SLC26A5: variants seen among roughly 807,000 people sequenced by gnomAD.
The protein encoded by SLC26A5 is solute carrier family 26 member 5.
A neutral mutation model predicts 81.0 loss-of-function variants in SLC26A5; 51 were observed. The ratio of observed to expected loss-of-function variants is 0.63; its 90% CI spans 0.50 to 0.80. The LOEUF (loss-of-function observed/expected upper bound fraction) is 0.80, where lower values mean the gene tolerates loss of function less well. Among genes scored for constraint, SLC26A5 ranks in the 30% least tolerant of loss-of-function variants. SLC26A5 has a pLI of 0.00. For synonymous variants in SLC26A5, 325 were observed against 332.8 expected, an observed-to-expected ratio of 0.98 and a Z score of 0.25; for missense variants, 771 against 905.8, an observed-to-expected ratio of 0.85 and a Z score of 1.91.
At chr7:103,441,709 G>C (rs1038314350) in intron 2 of SLC26A5, among the ~76,000 whole-genome samples, 1 of 152,134 alleles carries the variant, frequency 6.6e-6, no homozygotes, top group Non-Finnish European at 1.5e-5. Context: ...AGATGTTATC[G>C]TCTCTGGGGA....
rs1823833592 is a variant in SLC26A5, at chr7:103,404,123, C to A, written c.888+3728G>T. Reference sequence around the variant, plus strand: ...GCTTGAACCCGGGAAGCGGAAGTTGCAGTGAACCGAGATCGCACCATTGCA... The same window carrying A: ...GCTTGAACCCGGGAAGCGGAAGTTGAAGTGAACCGAGATCGCACCATTGCA... On this transcript the variant is annotated intron_variant, in intron 8 of 19. Coordinates refer to ENST00000306312, the MANE Select transcript of SLC26A5 (RefSeq NM_198999.3). Among the ~76,000 whole-genome samples the A allele has an allele frequency of 2.0e-5, 3 of 151,960 alleles. No individual in the cohort carries two copies. The South Asian group carries it at 6.2e-4, about 32-fold the overall frequency.
At chr7:103,430,719 G>A (rs943238545) in intron 2 of SLC26A5, among the ~76,000 whole-genome samples, 1 of 152,232 alleles carries the variant, frequency 6.6e-6, no homozygotes, top group African/African-American at 2.4e-5. Flanking sequence ...ACATGTTCAT[G>A]GAATACCAAA....
rs72433350 is a variant in SLC26A5 at position 103,395,501 on chromosome 7, GTA to G, written c.971+2429_971+2430del. On this transcript the variant is annotated intron_variant, in intron 9 of 19. Transcript: ENST00000306312. ...TATATATATACGCATATATATGTAT[GTA>G]TATATATATATATATATAAATTTTT... is the stretch of plus-strand genomic sequence containing the variant. Among the ~76,000 whole-genome samples, 623 of 106,640 alleles carry G rather than the reference GTA, an allele frequency of 5.8e-3. 9 individuals carry two copies. Among genetic ancestry groups the G allele is most frequent in the African/African-American group, 0.021 (593 of 28,838 alleles). The allele number at this position is 106,640 out of a possible 152,430, so 70.0% of individuals were successfully genotyped here.
chr7:103,397,953 A>G lies in SLC26A5; in HGVS notation c.950T>C (p.Val317Ala). 6.2e-7 allele frequency: 1 copy of G among 1,614,064 alleles called. No individual in the cohort carries two copies. Among genetic ancestry groups the G allele is most frequent in the Non-Finnish European group, 8.5e-7 (1 of 1,179,934 alleles). Reference protein sequence around the residue: ...FNLKESYNVDVVGTLPLGLLP... With the variant: ...FNLKESYNVDAVGTLPLGLLP... ...CTACCCTAGAGGAAGTGTTCCAACG[A>G]CATCCACATTGTATGATTCTTTCAA... Residue 317 changes from valine (V) to alanine (A), a missense_variant, in exon 9 of 20, where the codon GTC (valine) becomes GCC (alanine). Val to Ala is a moderately conservative substitution (Grantham distance 64). Transcript: ENST00000306312.
chr7:103,412,567 T>G (rs953650299), intron 5 of SLC26A5, among the ~76,000 whole-genome samples: 7 of 149,076 alleles, frequency 4.7e-5, no homozygotes, highest in African/African-American at 1.8e-4. Context: ...TTTTTTTTTT[T>G]GAGACAGAGT....
chr7:103,367,270 G>C lies in SLC26A5; in HGVS notation c.2041+9538C>G. ...TAATTAGTTTTATATAAAGCAAGCT[G>C]TTCTTACAGGATTTGCTTCAAAGTG... On this transcript the variant is annotated intron_variant, in intron 19 of 19. Transcript: ENST00000339444. This position sits in a 1 kb window ranked among gnomAD's most constrained non-coding sequence, Gnocchi z 6.1. The C allele has an allele frequency of 1.5e-6, 1 of 660,336 alleles. No homozygotes were observed. Among genetic ancestry groups the C allele is most frequent in the Non-Finnish European group, 2.7e-6 (1 of 375,054 alleles). The allele number at this position is 660,336 out of a possible 1,614,324, so 40.9% of individuals were successfully genotyped here.
intron 19 of SLC26A5, chr7:103,355,574 A>T: frequency 2.8e-6 from 2 of 721,098 alleles, no homozygotes; most frequent in Non-Finnish European, 4.7e-6. Flanking sequence ...TCTATAATGC[A>T]CATGATAGTC....
Position 103,389,472 on chromosome 7 carries a change from T to C in SLC26A5, c.1312-48A>G, listed in dbSNP as rs754960452. ...TGCCTCTCCTCTTGTGTCCACAGAG[T>C]GTCCTTTGCTGGTTCCTCACTGTCC... is the stretch of plus-strand genomic sequence containing the variant. On this transcript the variant is annotated intron_variant, in intron 12 of 19. Transcript: ENST00000306312. 12 of 1,368,284 alleles carry C rather than the reference T, an allele frequency of 8.8e-6. 1 individual carries two copies. In the South Asian group the frequency reaches 1.4e-4, roughly 16 times the overall value. 84.8% of individuals were successfully genotyped at this position (1,368,284 alleles called of 1,614,324 possible).
chr7:103,380,605 C>T, intron 14 of SLC26A5, 56 bp from the exon 15 acceptor site: 1 of 1,496,668 alleles, frequency 6.7e-7, no homozygotes, highest in Non-Finnish European at 9.3e-7. Flanking sequence ...GTGATTTCAA[C>T]AGGAGGTTGT....
chr7:103,424,216 C>T (rs1317974767), intron 2 of SLC26A5, among the ~76,000 whole-genome samples: 1 of 152,168 alleles, frequency 6.6e-6, no homozygotes, highest in Non-Finnish European at 1.5e-5. Flanking sequence ...TCTTCCAAAC[C>T]CTTGTTCTGT....
At chr7:103,378,998 C>T (rs1159608174) in intron 16 of SLC26A5, among the ~76,000 whole-genome samples, 2 of 152,054 alleles carry the variant, frequency 1.3e-5, no homozygotes, top group African/African-American at 2.4e-5. Flanking sequence ...ATTATATATA[C>T]GATAAGAGAG....
chr7:103,431,212 C>T (rs1826057242), intron 2 of SLC26A5, among the ~76,000 whole-genome samples: 1 of 152,178 alleles, frequency 6.6e-6, no homozygotes, highest in African/African-American at 2.4e-5. Context: ...ATAATATACA[C>T]ATGATAAAAT....
chr7:103,389,037 A>T lies in SLC26A5; in HGVS notation c.1485T>A (p.Ala495=). 6.2e-7 allele frequency: 1 copy of T among 1,613,588 alleles called. No individual in the cohort carries two copies. The highest frequency in any genetic ancestry group is 1.1e-5 in the South Asian group (1 of 90,980). Residue 495 remains alanine, a synonymous_variant, in exon 14 of 20, where the codon GCT becomes GCA. Transcript: ENST00000306312. ...GTGTTCTGTAAATCACAGTCAGCAG[A>T]GCAATGATCACAGCAGTGATCAAAC... ...DYGLITAVII[A]LLTVIYRTQS... is the part of the protein sequence containing the mutation.
chr7:103,378,618 T>G, intron 16 of SLC26A5, 65 bp from the exon 17 acceptor site: 2 of 1,368,350 alleles, frequency 1.5e-6, no homozygotes, highest in Non-Finnish European at 1.0e-6. Context: ...CCAATGCCAC[T>G]CCCCTTCAAA....
At position 103,374,294 on chromosome 7, in the gene SLC26A5, T is replaced by C; in HGVS notation, c.*105A>G. ...ACCCTCCAAATCAAGCCTGGACTAC[T>C]AGTATTCACCCTTAGAAAAAAAAAT... On this transcript the variant is annotated 3_prime_UTR_variant, in exon 20 of 20. Transcript: ENST00000306312. 2.0e-6 allele frequency: 3 copies of C among 1,538,452 alleles called. No homozygotes were observed. In the South Asian group the frequency reaches 3.7e-5, roughly 19 times the overall value.
chr7:103,401,422 T>G (rs370797444), intron 8 of SLC26A5, among the ~76,000 whole-genome samples: 114 of 152,256 alleles, frequency 7.5e-4, no homozygotes, highest in Admixed American at 6.0e-3. Flanking sequence ...TGTATCCCGA[T>G]ACTTTGCTGA....
At chr7:103,376,766 A>C in intron 19 of SLC26A5, 42 bp downstream of exon 19, 1 of 1,374,200 alleles carries the variant, frequency 7.3e-7, no homozygotes, top group Non-Finnish European at 1.0e-6. Context: ...GAGAAACAAA[A>C]CTAAAATATT....
At chr7:103,412,829 G>T (rs559898214) in intron 5 of SLC26A5, among the ~76,000 whole-genome samples, 173 bp downstream of exon 5, 26 of 152,142 alleles carry the variant, frequency 1.7e-4, no homozygotes, top group African/African-American at 6.0e-4. Context: ...GGGATTACAG[G>T]GATGAGCCAC....
intron 14 of SLC26A5, among the ~76,000 whole-genome samples, chr7:103,382,442 C>T (rs1439507904): frequency 2.0e-5 from 3 of 150,628 alleles, no homozygotes; most frequent in Non-Finnish European, 3.0e-5. Context: ...CTCCGCCTCC[C>T]GGGTTCAAGC....
Sources: gnomAD v4.1 joint callset for allele counts (sites outside exome capture counted in the v4.1 genomes callset) on GRCh38, gnomAD v4.1.1 for gene constraint, Gnocchi (gnomAD v3.1) non-coding constraint, MANE v1.5 for transcripts, NCBI Gene and HGNC (gene_info 2026-07-23, HGNC 2026-07-21) for gene names.